The following FANCD2 variants were observed in gnomAD, a reference collection of about 807,000 sequenced individuals.
FANCD2 encodes the protein Fanconi anemia group D2 protein.
A neutral mutation model predicts 192.3 loss-of-function variants in FANCD2; 131 were observed. The ratio of observed to expected loss-of-function variants is 0.68; its 90% CI spans 0.59 to 0.79. FANCD2 has a LOEUF of 0.79. Ranked by LOEUF, FANCD2 falls within the 30% of genes least tolerant of loss-of-function variation. The probability of loss-of-function intolerance (pLI) is 0.00; values close to 1 mark genes in which losing one functional copy is unlikely to be tolerated. For missense variants in FANCD2, 1,508 were observed against 1,701.6 expected (o/e 0.89, Z 2.00); for synonymous variants, 524 against 612.5 (o/e 0.86, Z 2.13).
chr3:10,079,920 T>C (rs1693740445), intron 30 of FANCD2, among the ~76,000 whole-genome samples: 1 of 151,034 alleles, frequency 6.6e-6, no homozygotes, highest in African/African-American at 2.5e-5. Flanking sequence ...TTCTTCGTCT[T>C]CTTTTTTTTT....
chr3:10,085,358 G>A (rs1238291403), intron 32 of FANCD2, among the ~76,000 whole-genome samples: 1 of 150,738 alleles, frequency 6.6e-6, no homozygotes. Flanking sequence ...TGGTACTTCA[G>A]TACTTTCCAT....
intron 30 of FANCD2, 56 bp from the exon 31 acceptor site, chr3:10,081,044 A>G: frequency 6.2e-7 from 1 of 1,609,200 alleles, no homozygotes; most frequent in South Asian, 1.1e-5. Flanking sequence ...GCGAACCCTT[A>G]GTTTCTGAGA....
chr3:10,079,802 G>C (rs955942389), intron 30 of FANCD2, among the ~76,000 whole-genome samples: 1 of 152,160 alleles, frequency 6.6e-6, no homozygotes, highest in African/African-American at 2.4e-5. Context: ...CTAGCATCCG[G>C]GGAAGCAGTT....
chr3:10,083,887 C>CA (rs1301118343), intron 32 of FANCD2, among the ~76,000 whole-genome samples: 1,762 of 43,408 alleles, frequency 0.041, 111 homozygotes, highest in African/African-American at 0.12. Flanking sequence ...GACTCCGTCT[C>CA]AAAAAAAAAA....
chr3:10,065,240 G>A lies in FANCD2; in HGVS notation c.2169-154G>A, dbSNP rs34080274. Among the ~76,000 whole-genome samples the A allele has an allele frequency of 0.19, 29,346 of 152,070 alleles. 3,221 individuals carry two copies. The highest frequency in any genetic ancestry group is 0.31 in the African/African-American group (12,654 of 41,436). On this transcript the variant is annotated intron_variant, in intron 23 of 43. Coordinates refer to ENST00000675286, the MANE Select transcript of FANCD2 (RefSeq NM_001018115.3). ...GGAGGCAGAGGTTGCAGTGAGCTGA[G>A]ATCGTGCCACTGCACTCCAGACTGG...
intron 30 of FANCD2, among the ~76,000 whole-genome samples, chr3:10,079,697 C>T (rs1693726771): frequency 6.6e-6 from 1 of 152,166 alleles, no homozygotes; most frequent in Non-Finnish European, 1.5e-5. Flanking sequence ...TTTCAACAGC[C>T]TCCCAAACCA....
At position 10,072,894 on chromosome 3, in the gene FANCD2, C is replaced by A. The variant is rs1693333029; in HGVS notation, c.2518C>A (p.Leu840Ile). The A allele has an allele frequency of 6.2e-7, 1 of 1,608,400 alleles. No homozygotes were observed. The highest frequency in any genetic ancestry group is 1.7e-5 in the Admixed American group (1 of 59,994). ...AGTCACCCCAGACTATGTCCCTCCT[C>A]TTGGAAACTTTGATGTGGAAACTTT... ...LAVTPDYVPP[L>I]GNFDVETLDI... is the part of the protein sequence containing the mutation. The change falls in exon 27 of 44, where the codon CTT becomes ATT. Residue 840 changes from leucine to isoleucine, a missense_variant. Leu to Ile is a conservative substitution (Grantham distance 5). Around this residue, in one of 5 missense-constraint regions of FANCD2, gnomAD observed 796 missense variants for 879.4 expected, o/e 0.91. Coordinates refer to ENST00000675286, the MANE Select transcript of FANCD2 (RefSeq NM_001018115.3).
intron 17 of FANCD2, among the ~76,000 whole-genome samples, chr3:10,051,072 G>A (rs1272975840): frequency 1.5e-5 from 2 of 136,558 alleles, no homozygotes; most frequent in African/African-American, 3.1e-5. Context: ...GGCGAGAAGA[G>A]CGAAACTGTC....
At chr3:10,037,882 A>G (rs1316507524) in intron 7 of FANCD2, among the ~76,000 whole-genome samples, 1 of 152,238 alleles carries the variant, frequency 6.6e-6, no homozygotes, top group Admixed American at 6.5e-5. Context: ...AGATACACAC[A>G]TACACATATG....
At chr3:10,086,019 G>C (rs554557253) in intron 33 of FANCD2, 97 bp downstream of exon 33, 31 of 802,310 alleles carry the variant, frequency 3.9e-5, no homozygotes, top group Admixed American at 3.5e-4. Flanking sequence ...TCTTTCAGTA[G>C]TTGTAAAGGA....
In FANCD2 at chr3:10,097,330, T is replaced by G. The variant is rs369357413; in HGVS notation, c.4185+858T>G. Among the ~76,000 whole-genome samples the G allele has an allele frequency of 1.2e-4, 18 of 152,320 alleles. No individual in the cohort carries two copies. In the East Asian group the frequency reaches 2.9e-3, roughly 24 times the overall value. ...GGGAATTTCCTCTTCCTAATAAGCC[T>G]GGGAGCGCTATAGGAGACTGGAGTT... On this transcript the variant is annotated intron_variant, in intron 42 of 43. Coordinates refer to ENST00000675286, the MANE Select transcript of FANCD2 (RefSeq NM_001018115.3).
intron 5 of FANCD2, 122 bp from the exon 6 acceptor site, chr3:10,035,051 T>A (rs949443681): frequency 7.3e-6 from 6 of 822,742 alleles, no homozygotes; most frequent in Non-Finnish European, 9.9e-6. Flanking sequence ...TCTGTATTTC[T>A]TGTCTAACAG....
chr3:10,092,273 A>T, intron 38 of FANCD2, 21 bp downstream of exon 38: 1 of 1,563,820 alleles, frequency 6.4e-7, no homozygotes, highest in Non-Finnish European at 8.8e-7. Context: ...AGACTGCTTG[A>T]CACATCTCAC....
intron 17 of FANCD2, among the ~76,000 whole-genome samples, chr3:10,051,181 C>G (rs2087193448): frequency 6.7e-6 from 1 of 150,364 alleles, no homozygotes; most frequent in African/African-American, 2.5e-5. Context: ...GAGATCGAGA[C>G]CATCCCGGCT....
chr3:10,057,890 G>T (rs1372260346), intron 18 of FANCD2: 1 of 193,654 alleles, frequency 5.2e-6, no homozygotes, highest in African/African-American at 2.4e-5. Flanking sequence ...CTGAATTCTG[G>T]TGTATGAGAT....
At chr3:10,085,349 G>A (rs1694118205) in intron 32 of FANCD2, among the ~76,000 whole-genome samples, 2 of 150,844 alleles carry the variant, frequency 1.3e-5, no homozygotes, top group Admixed American at 6.6e-5. Flanking sequence ...GATTGAATTT[G>A]GTACTTCAGT....
Position 10,035,155 on chromosome 3 carries a change from T to G in FANCD2, c.378-18T>G, listed in dbSNP as rs1290080250. 2 of 1,581,842 alleles carry G rather than the reference T, an allele frequency of 1.3e-6. No homozygotes were observed. The highest frequency in any genetic ancestry group is 1.7e-6 in the Non-Finnish European group (2 of 1,161,036). On this transcript the variant is annotated intron_variant, in intron 5 of 43. Transcript: ENST00000675286. ...CAAGGAAAGCAAAGTGGAAAACAGA[T>G]TTCTTTTTTTTTTACAGTATGGGTG... is the stretch of plus-strand genomic sequence containing the variant.
Position 10,043,490 on chromosome 3 carries a change from A to G in FANCD2, c.996A>G (p.Ser332=). Residue 332 remains serine, a synonymous_variant, in exon 13 of 44, where the codon TCA becomes TCG. Transcript: ENST00000675286. ...TCCTCTCTGCTACTTGTAGTTCCTC[A>G]GGAAATCAAGAAAGCAGCGGTCAGA... is the stretch of plus-strand genomic sequence containing the variant. ...KLKSKGRASS[S]GNQESSGQSC... is the part of the protein sequence containing the mutation. The G allele has an allele frequency of 6.2e-7, 1 of 1,613,432 alleles. No individual in the cohort carries two copies. Among genetic ancestry groups the G allele is most frequent in the Non-Finnish European group, 8.5e-7 (1 of 1,179,418 alleles).
chr3:10,054,350 T>TAC (rs1178067447), intron 18 of FANCD2, among the ~76,000 whole-genome samples: 4 of 120,424 alleles, frequency 3.3e-5, no homozygotes, highest in Non-Finnish European at 3.2e-5. Context: ...TATATATATA[T>TAC]ACGTATATAT....
Sources: gnomAD v4.1 joint callset for allele counts (sites outside exome capture counted in the v4.1 genomes callset) on GRCh38, gnomAD v4.1.1 for gene constraint, gnomAD v4.1.1 regional missense constraint, MANE v1.5 for transcripts, NCBI Gene and HGNC (gene_info 2026-07-23, HGNC 2026-07-21) for gene names.